SCAF11: variants seen among roughly 807,000 people sequenced by gnomAD.
SCAF11 encodes the protein SR-related CTD associated factor 11.
Under a neutral mutation model 140.5 loss-of-function variants are expected in SCAF11, and 47 were observed. That is an observed-to-expected ratio of 0.33 (90% CI 0.26 to 0.43). SCAF11 has a LOEUF of 0.43. Among genes scored for constraint, SCAF11 ranks in the 20% least tolerant of loss-of-function variants. SCAF11 has a pLI of 1.00. For synonymous variants in SCAF11, 557 were observed against 579.4 expected, an observed-to-expected ratio of 0.96 and a Z score of 0.55; for missense variants, 1,645 against 1,705.1, an observed-to-expected ratio of 0.96 and a Z score of 0.62.
At chr12:45,939,565 G>A (rs935353010) in intron 6 of SCAF11, among the ~76,000 whole-genome samples, 1 of 152,136 alleles carries the variant, frequency 6.6e-6, no homozygotes, top group African/African-American at 2.4e-5. Context: ...GGGCATGGTG[G>A]CGCATGCCTG....
intron 1 of SCAF11, among the ~76,000 whole-genome samples, chr12:45,973,049 T>G (rs1946150262): frequency 1.4e-5 from 2 of 147,160 alleles, no homozygotes; most frequent in Admixed American, 6.8e-5. Flanking sequence ...TATAGATATA[T>G]CCCAACAAGT....
Position 45,945,267 on chromosome 12 carries a change from C to A in SCAF11, c.445G>T (p.Asp149Tyr). The A allele has an allele frequency of 6.3e-7, 1 of 1,581,536 alleles. No homozygotes were observed. Among genetic ancestry groups the A allele is most frequent in the South Asian group, 1.2e-5 (1 of 86,634 alleles). Residue 149 changes from aspartate (D) to tyrosine (Y), a missense_variant, in exon 6 of 15, where the codon GAC (aspartate) becomes TAC (tyrosine). By Grantham distance (160) the Asp-to-Tyr change is radical. Around this residue, in one of 2 missense-constraint regions of SCAF11, gnomAD observed 1,582 missense variants for 1,609.2 expected, o/e 0.98. Transcript: ENST00000369367. Reference protein sequence around the residue: ...REDLLSAKVCDLKWIHRNSLY... With the variant: ...REDLLSAKVCYLKWIHRNSLY... ...AACTTACTATGTATCCACTTCAAGTCACAAACTTTTGCACTTAATAGATCT... is the reference window on the plus strand; with the variant it reads ...AACTTACTATGTATCCACTTCAAGTAACAAACTTTTGCACTTAATAGATCT...
At chr12:45,922,870 A>G in intron 13 of SCAF11, 66 bp downstream of exon 13, 1 of 1,427,606 alleles carries the variant, frequency 7.0e-7, no homozygotes. Context: ...ATACAATAAA[A>G]AGCTGATATT....
upstream of SCAF11, among the ~76,000 whole-genome samples, chr12:45,991,306 G>A (rs914047002): frequency 5.9e-5 from 9 of 152,172 alleles, no homozygotes; most frequent in Non-Finnish European, 1.3e-4. Context: ...GGCTCACGCC[G>A]GTAATCCCAG....
chr12:45,981,313 A>G (rs1230200500), intron 1 of SCAF11, among the ~76,000 whole-genome samples: 1 of 152,318 alleles, frequency 6.6e-6, no homozygotes, highest in East Asian at 1.9e-4. Context: ...AAAACGATGA[A>G]TGAACTCATC....
At chr12:45,949,313 A>G (rs898596708) in intron 4 of SCAF11, among the ~76,000 whole-genome samples, 5 of 152,200 alleles carry the variant, frequency 3.3e-5, no homozygotes, top group African/African-American at 1.2e-4. Context: ...CAAGTATAAA[A>G]TAGACACAAG....
At chr12:45,991,938 C>G (rs904885455), upstream of SCAF11, 8 of 1,288,714 alleles carry the variant, frequency 6.2e-6, no homozygotes, top group East Asian at 3.3e-4. Context: ...GTCGCCTGCC[C>G]CCGTTCTGTT....
intron 1 of SCAF11, among the ~76,000 whole-genome samples, chr12:45,977,677 G>A (rs1445832428): frequency 6.6e-6 from 1 of 152,044 alleles, no homozygotes; most frequent in Non-Finnish European, 1.5e-5. Flanking sequence ...CTTTTTCACT[G>A]TCAACTTCAT....
chr12:45,954,990 G>A (rs1235644608), intron 3 of SCAF11: 12 of 150,452 alleles, frequency 8.0e-5, no homozygotes, highest in Admixed American at 8.0e-4. Context: ...TTCATTTTAA[G>A]AAAAGGCTCC....
At chr12:45,959,930 C>G (rs1210259485) in intron 3 of SCAF11, among the ~76,000 whole-genome samples, 1 of 152,110 alleles carries the variant, frequency 6.6e-6, no homozygotes. Context: ...CCCTGCCTAC[C>G]CAGCATCACA....
intron 1 of SCAF11, among the ~76,000 whole-genome samples, chr12:45,987,367 C>A (rs1946480510): frequency 6.6e-6 from 1 of 152,200 alleles, no homozygotes; most frequent in Admixed American, 6.5e-5. Context: ...AGTTTCAAAC[C>A]ACAATCACTA....
intron 10 of SCAF11, chr12:45,929,672 T>C (rs902126408): frequency 2.0e-5 from 3 of 152,186 alleles, no homozygotes; most frequent in African/African-American, 7.2e-5. Context: ...GAGTTTCTAG[T>C]TGGAATATTT....
At position 45,924,785 on chromosome 12, in the gene SCAF11, G is replaced by A. The variant is rs1379867378; in HGVS notation, c.3849C>T (p.Pro1283=). 1.9e-6 allele frequency: 3 copies of A among 1,612,506 alleles called. No homozygotes were observed. The highest frequency in any genetic ancestry group is 2.2e-5 in the South Asian group (2 of 91,054). ...SQGLPPPPPP[P]PPSQQVNYIA... ...TGTAGTTGACTTGTTGGGATGGTGG[G>A]GGAGGGGGTGGTGGTGGTGGTAGTC... is the stretch of plus-strand genomic sequence containing the variant. The change falls in exon 12 of 15, where the codon CCC becomes CCT. Residue 1283 remains proline (P), a synonymous_variant. Transcript: ENST00000369367.
At chr12:45,940,908 G>A (rs1945281794) in intron 6 of SCAF11, among the ~76,000 whole-genome samples, 1 of 152,142 alleles carries the variant, frequency 6.6e-6, no homozygotes, top group African/African-American at 2.4e-5. Flanking sequence ...AGGCTCAGGT[G>A]ATCCTCCCAC....
chr12:45,928,558 T>C lies in SCAF11; in HGVS notation c.1143A>G (p.Arg381=). 6.2e-7 allele frequency: 1 copy of C among 1,614,200 alleles called. No homozygotes were observed. Among genetic ancestry groups the C allele is most frequent in the Admixed American group, 1.7e-5 (1 of 60,024 alleles). The change falls in exon 11 of 15, where the codon AGA becomes AGG. Residue 381 remains arginine, a synonymous_variant. Transcript: ENST00000369367. The part of the protein sequence containing the change: ...APKRKSVRRG[R]KPPLLKKKLR... The stretch of plus-strand genomic sequence containing the variant: ...GTTTCTTTTTCAGTAAAGGTGGTTT[T>C]CTTCCTCTTCTTACAGACTTCCGTT...
intron 1 of SCAF11, among the ~76,000 whole-genome samples, chr12:45,984,999 C>G (rs544170480): frequency 1.3e-5 from 2 of 152,242 alleles, no homozygotes; most frequent in South Asian, 2.1e-4. Context: ...CCAGCCACTT[C>G]CTTACTTTTG....
chr12:45,939,922 C>T (rs763403184), intron 6 of SCAF11, among the ~76,000 whole-genome samples: 2 of 152,178 alleles, frequency 1.3e-5, no homozygotes, highest in Non-Finnish European at 2.9e-5. Context: ...TGCACAATCC[C>T]CCACTAACTC....
At chr12:45,974,620 G>T in intron 1 of SCAF11, 1 of 181,714 alleles carries the variant, frequency 5.5e-6, no homozygotes, top group Non-Finnish European at 1.2e-5. Flanking sequence ...TAAAATTGCA[G>T]CAATTCAGTC....
chr12:45,937,496 G>A (rs1360563330), intron 6 of SCAF11, among the ~76,000 whole-genome samples: 4 of 152,100 alleles, frequency 2.6e-5, no homozygotes, highest in Non-Finnish European at 4.4e-5. Flanking sequence ...GGAGATCCTT[G>A]ATTGTTTGCT....
Sources: gnomAD v4.1 joint callset for allele counts (sites outside exome capture counted in the v4.1 genomes callset) on GRCh38, gnomAD v4.1.1 for gene constraint, gnomAD v4.1.1 regional missense constraint, MANE v1.5 for transcripts, NCBI Gene and HGNC (gene_info 2026-07-23, HGNC 2026-07-21) for gene names.